CD8B: variants seen among roughly 807,000 people sequenced by gnomAD.
CD8B encodes T-cell surface glycoprotein CD8 beta chain.
In CD8B, 6 loss-of-function variants were observed where a neutral mutation model predicts 24.2. The observed-to-expected ratio is 0.25, with a 90% confidence interval of 0.14 to 0.49. The LOEUF (loss-of-function observed/expected upper bound fraction) is 0.49, where lower values mean the gene tolerates loss of function less well. Ranked by LOEUF, CD8B falls within the 20% of genes least tolerant of loss-of-function variation. CD8B has a pLI of 0.98. For synonymous variants in CD8B, 84 were observed against 108.3 expected (o/e 0.78, Z 1.39); for missense variants, 196 against 271.3 (o/e 0.72, Z 1.95).
At chr2:86,850,204 G>C (rs544108952) in intron 3 of CD8B, among the ~76,000 whole-genome samples, 7 of 152,248 alleles carry the variant, frequency 4.6e-5, no homozygotes, top group African/African-American at 1.7e-4. Context: ...TAACGTGCTT[G>C]GGTAAGGGGC....
rs1238926879 is a variant in CD8B at position 86,856,537 on chromosome 2, T to TG, written c.403+1519dup. 2.6e-5 allele frequency among the ~76,000 whole-genome samples: 4 copies of TG among 152,272 alleles called. No individual in the cohort carries two copies. In the East Asian group the frequency reaches 7.7e-4, roughly 29 times the overall value. ...TTGGTTTGTGTCTTCCTAATTGTGCTGCTGTCCCCAGCTGCCCCTGCACTT... is the reference window on the plus strand; with the variant it reads ...TTGGTTTGTGTCTTCCTAATTGTGCTGGCTGTCCCCAGCTGCCCCTGCACTT... On this transcript the variant is annotated intron_variant, in intron 2 of 5. Coordinates refer to ENST00000390655, the MANE Select transcript of CD8B (RefSeq NM_004931.5).
In CD8B at chr2:86,842,101, T is replaced by C; in HGVS notation, c.*206A>G. On this transcript the variant is annotated 3_prime_UTR_variant, in exon 6 of 6. Transcript: ENST00000390655. ...GAAGTGCCCTGGGGGCAATGAAACC[T>C]TCTCCCTAGTATTCCCGATGACCCA... 7.3e-7 allele frequency: 1 copy of C among 1,363,348 alleles called. No homozygotes were observed. The highest frequency in any genetic ancestry group is 1.9e-5 in the South Asian group (1 of 51,818). The allele number at this position is 1,363,348 out of a possible 1,614,324, so 84.5% of individuals were successfully genotyped here.
intron 3 of CD8B, among the ~76,000 whole-genome samples, chr2:86,848,292 C>T (rs1675787195): frequency 6.6e-6 from 1 of 152,188 alleles, no homozygotes; most frequent in African/African-American, 2.4e-5. Context: ...TTAGTTTTTG[C>T]CAGTCAAGTG....
In CD8B at chr2:86,839,158, T is replaced by C. The variant is rs1675303486; in HGVS notation, c.*3149A>G. Among the ~76,000 whole-genome samples the C allele has an allele frequency of 1.3e-5, 2 of 152,246 alleles. No homozygotes were observed. The highest frequency in any genetic ancestry group is 2.9e-5 in the Non-Finnish European group (2 of 68,038). On this transcript the variant is annotated 3_prime_UTR_variant, in exon 6 of 6. Coordinates refer to ENST00000390655, the MANE Select transcript of CD8B (RefSeq NM_004931.5). The stretch of plus-strand genomic sequence containing the variant: ...ATTGTGCCATATATTGTATTAAGAA[T>C]AATCTATACAGATGTTTTAAAAATA...
At chr2:86,848,371 A>G (rs1675791683) in intron 3 of CD8B, among the ~76,000 whole-genome samples, 1 of 152,090 alleles carries the variant, frequency 6.6e-6, no homozygotes, top group African/African-American at 2.4e-5. Context: ...ATATATTGGG[A>G]ACTTGTATGA....
chr2:86,859,744 A>G (rs1676472508), intron 1 of CD8B, among the ~76,000 whole-genome samples: 1 of 150,450 alleles, frequency 6.6e-6, no homozygotes, highest in South Asian at 2.1e-4. Context: ...GCAGAGATGC[A>G]GGAGTTGGGA....
chr2:86,844,921 C>G lies in CD8B; in HGVS notation c.620+1G>C. ...AGGCCACACCCAGGTTATACACTTACTGTTTCATGAAACGAAGCCGGGCTC... is the reference window on the plus strand; with the variant it reads ...AGGCCACACCCAGGTTATACACTTAGTGTTTCATGAAACGAAGCCGGGCTC... On this transcript the variant is annotated splice_donor_variant, in intron 5 of 5. Transcript: ENST00000390655. LOFTEE classifies it high-confidence loss of function. 6.4e-7 allele frequency: 1 copy of G among 1,557,022 alleles called. No individual in the cohort carries two copies. Among genetic ancestry groups the G allele is most frequent in the East Asian group, 2.4e-5 (1 of 41,264 alleles).
chr2:86,816,650 G>T (rs1282727176), intron 5 of CD8B, among the ~76,000 whole-genome samples: 2 of 152,182 alleles, frequency 1.3e-5, no homozygotes, highest in Non-Finnish European at 2.9e-5. Flanking sequence ...TTAGTGCTGT[G>T]ACATTGGCTT....
At chr2:86,819,397 C>A (rs1366682109) in intron 5 of CD8B, among the ~76,000 whole-genome samples, 6 of 152,168 alleles carry the variant, frequency 3.9e-5, no homozygotes, top group Non-Finnish European at 8.8e-5. Context: ...CAGCCTGCCT[C>A]TCTTGTTAGG....
At chr2:86,860,745 G>A (rs536329352) in intron 1 of CD8B, among the ~76,000 whole-genome samples, 16 of 152,312 alleles carry the variant, frequency 1.1e-4, no homozygotes, top group Admixed American at 2.0e-4. Context: ...ACAGGTGCCC[G>A]AAGCCCTTCC....
At chr2:86,848,244 T>C in intron 3 of CD8B, among the ~76,000 whole-genome samples, 1 of 152,210 alleles carries the variant, frequency 6.6e-6, no homozygotes, top group East Asian at 1.9e-4. Context: ...CACCCACCAA[T>C]AGTGCACCTT....
At chr2:86,816,727 G>C (rs1350034104) in intron 5 of CD8B, among the ~76,000 whole-genome samples, 4 of 152,136 alleles carry the variant, frequency 2.6e-5, no homozygotes, top group Admixed American at 1.3e-4. Context: ...ACTCCAGATA[G>C]AATAAATATG....
intron 3 of CD8B, among the ~76,000 whole-genome samples, chr2:86,850,701 C>T (rs565680239): frequency 1.5e-4 from 23 of 152,342 alleles, no homozygotes; most frequent in Admixed American, 1.2e-3. Flanking sequence ...CCTTACTCCA[C>T]TAGGTCACCT....
At chr2:86,829,108 T>TTTTTTTTC in intron 5 of CD8B, among the ~76,000 whole-genome samples, 1 of 142,006 alleles carries the variant, frequency 7.0e-6, no homozygotes, top group African/African-American at 2.6e-5. Flanking sequence ...TTTTTTTTTT[T>TTTTTTTTC]TTTTTTTTTG....
intron 2 of CD8B, among the ~76,000 whole-genome samples, chr2:86,856,623 C>T (rs1173323035): frequency 1.3e-5 from 2 of 151,782 alleles, no homozygotes; most frequent in Non-Finnish European, 2.9e-5. Context: ...CTCAAGTGAG[C>T]AGGAAGCAGG....
chr2:86,834,005 T>G (rs924417537), downstream of CD8B, among the ~76,000 whole-genome samples: 1 of 152,196 alleles, frequency 6.6e-6, no homozygotes. Flanking sequence ...TGGGTATAGA[T>G]AGACAGCAAC....
At chr2:86,857,924 T>C in intron 2 of CD8B, 133 bp downstream of exon 2, 1 of 944,452 alleles carries the variant, frequency 1.1e-6, no homozygotes, top group Non-Finnish European at 1.6e-6. Flanking sequence ...ACATGTTCTT[T>C]CTGTTACTAT....
At chr2:86,858,683 T>C (rs1165869906) in intron 1 of CD8B, among the ~76,000 whole-genome samples, 3 of 144,518 alleles carry the variant, frequency 2.1e-5, no homozygotes, top group African/African-American at 7.9e-5. Flanking sequence ...GTTTATTGTG[T>C]ACTTATATGC....
chr2:86,845,749 C>T (rs950192271), intron 4 of CD8B, among the ~76,000 whole-genome samples: 6 of 152,168 alleles, frequency 3.9e-5, no homozygotes, highest in African/African-American at 1.4e-4. Flanking sequence ...CCAATGAGTT[C>T]CTTCCTTGAT....
Sources: allele counts gnomAD v4.1 joint callset (sites outside exome capture counted in the v4.1 genomes callset), GRCh38; gene constraint gnomAD v4.1.1; transcripts MANE v1.5; gene names NCBI Gene and HGNC (gene_info 2026-07-23, HGNC 2026-07-21).